The following SLC71A2 variants were observed in gnomAD, a reference collection of about 807,000 sequenced individuals.
SLC71A2 encodes hippocampus abundant transcript-like 1.
the SLC71A2 span, among the ~76,000 whole-genome samples, chr9:94,458,035 G>C: frequency 6.6e-6 from 1 of 152,178 alleles, no homozygotes; most frequent in Non-Finnish European, 1.5e-5. Context: ...GACCAGAGCA[G>C]GGAAATCTCA....
At chr9:94,424,004 T>G in the SLC71A2 span, among the ~76,000 whole-genome samples, 4 of 152,208 alleles carry the variant, frequency 2.6e-5, no homozygotes, top group Non-Finnish European at 4.4e-5. Context: ...TCCAGAAAGA[T>G]CATTGTGTTT....
the SLC71A2 span, among the ~76,000 whole-genome samples, chr9:94,385,251 T>A: frequency 6.6e-6 from 1 of 152,218 alleles, no homozygotes; most frequent in African/African-American, 2.4e-5. Flanking sequence ...AAGTCCAGTG[T>A]ATCTATTTTG....
chr9:94,455,378 A>ACTTTTTTTTTTTTTTTTT, the SLC71A2 span, among the ~76,000 whole-genome samples: 1 of 85,780 alleles, frequency 1.2e-5, no homozygotes, highest in Non-Finnish European at 2.1e-5. Flanking sequence ...TAATATTCTG[A>ACTTTTTTTTTTTTTTTTT]TTTTTTTTTT....
At chr9:94,401,362 T>TG in the SLC71A2 span, among the ~76,000 whole-genome samples, 2 of 152,090 alleles carry the variant, frequency 1.3e-5, no homozygotes, top group Non-Finnish European at 2.9e-5. Flanking sequence ...TTAGTAGAGA[T>TG]GGGGTTTCAC....
the SLC71A2 span, among the ~76,000 whole-genome samples, chr9:94,408,878 C>T: frequency 2.7e-5 from 4 of 146,204 alleles, no homozygotes; most frequent in Admixed American, 1.4e-4. Context: ...GGCTGGATTG[C>T]AGTGGCACGA....
chr9:94,391,866 G>A, the SLC71A2 span, among the ~76,000 whole-genome samples: 1 of 152,086 alleles, frequency 6.6e-6, no homozygotes, highest in South Asian at 2.1e-4. Flanking sequence ...GCAACAGAGC[G>A]AGACCCTGTG....
At chr9:94,458,251 G>GT in the SLC71A2 span, 2 of 1,397,936 alleles carry the variant, frequency 1.4e-6, no homozygotes, top group Non-Finnish European at 2.0e-6. Flanking sequence ...TTATGAGAAA[G>GT]TACTGTGCAG....
chr9:94,456,087 G>GT, the SLC71A2 span, among the ~76,000 whole-genome samples: 14 of 151,414 alleles, frequency 9.2e-5, no homozygotes, highest in Admixed American at 2.0e-4. Flanking sequence ...AACCTTGTAG[G>GT]TTAAAAAAAA....
the SLC71A2 span, chr9:94,460,920 A>ATGTCT: frequency 7.0e-6 from 1 of 142,902 alleles, no homozygotes; most frequent in African/African-American, 2.5e-5. Context: ...GGTTACTTTT[A>ATGTCT]TGTCTTGTGT....
chr9:94,376,210 GACAGTAATT>G, the SLC71A2 span, among the ~76,000 whole-genome samples: 1 of 148,384 alleles, frequency 6.7e-6, no homozygotes, highest in African/African-American at 2.5e-5. Flanking sequence ...TGAATTGATG[GACAGTAATT>G]ACTAACCAGT....
At chr9:94,382,082 G>A in the SLC71A2 span, among the ~76,000 whole-genome samples, 3 of 151,658 alleles carry the variant, frequency 2.0e-5, no homozygotes, top group East Asian at 1.9e-4. Context: ...GCTGGAGTGC[G>A]GTGGCGTGAT....
chr9:94,410,763 AT>A, the SLC71A2 span, among the ~76,000 whole-genome samples: 1 of 152,100 alleles, frequency 6.6e-6, no homozygotes, highest in Non-Finnish European at 1.5e-5. Context: ...ATTAGCAAAA[AT>A]TTTAAAATTA....
the SLC71A2 span, among the ~76,000 whole-genome samples, chr9:94,384,981 C>G: frequency 1.3e-5 from 2 of 151,884 alleles, no homozygotes; most frequent in East Asian, 1.9e-4. Context: ...TCTGCCTTCT[C>G]CCTTGGGATA....
chr9:94,414,333 T>C, the SLC71A2 span, among the ~76,000 whole-genome samples: 3 of 152,140 alleles, frequency 2.0e-5, no homozygotes, highest in Non-Finnish European at 2.9e-5. Flanking sequence ...GTGGGAGAGA[T>C]GATAAATAAG....
the SLC71A2 span, among the ~76,000 whole-genome samples, chr9:94,442,686 A>G: frequency 9.1e-6 from 1 of 109,494 alleles, no homozygotes; most frequent in African/African-American, 3.5e-5. Flanking sequence ...CCCCGTCTCT[A>G]CTAAAATACA....
the SLC71A2 span, among the ~76,000 whole-genome samples, chr9:94,438,718 G>A: frequency 1.3e-5 from 2 of 152,180 alleles, no homozygotes; most frequent in African/African-American, 4.8e-5. Context: ...GGGTAGTGAA[G>A]ACATTCTAGA....
chr9:94,430,476 G>A, the SLC71A2 span, among the ~76,000 whole-genome samples: 1,206 of 152,084 alleles, frequency 7.9e-3, 18 homozygotes, highest in African/African-American at 0.028. Context: ...GCCCGCCTTG[G>A]CCTCCCACAG....
At chr9:94,395,646 T>C in the SLC71A2 span, among the ~76,000 whole-genome samples, 1 of 152,230 alleles carries the variant, frequency 6.6e-6, no homozygotes, top group African/African-American at 2.4e-5. Flanking sequence ...TAAACTGTTT[T>C]GTTATGCGTC....
chr9:94,432,789 C>T, the SLC71A2 span: 1 of 407,072 alleles, frequency 2.5e-6, no homozygotes, highest in Admixed American at 2.8e-5. Flanking sequence ...ATCTGGCTAT[C>T]CCTAGTTTGT....
Sources: allele counts gnomAD v4.1 joint callset (sites outside exome capture counted in the v4.1 genomes callset), GRCh38; gene constraint gnomAD v4.1.1; transcripts MANE v1.5; gene names NCBI Gene and HGNC (gene_info 2026-07-23, HGNC 2026-07-21).